CDH12: variants seen among roughly 807,000 people sequenced by gnomAD.
CDH12 encodes cadherin 12, also known as cadherin-12.
A neutral mutation model predicts 74.1 loss-of-function variants in CDH12; 41 were observed. That is an observed-to-expected ratio of 0.55 (90% CI 0.43 to 0.72). The LOEUF is 0.72. Ranked by LOEUF, CDH12 falls within the 30% of genes least tolerant of loss-of-function variation. The pLI, the probability that CDH12 is intolerant of heterozygous loss-of-function variation, is 0.00. For synonymous variants in CDH12, 399 were observed against 355.0 expected (o/e 1.12, Z -1.39); for missense variants, 945 against 977.2 (o/e 0.97, Z 0.44).
At chr5:21,784,113 T>C (rs575137265) in intron 10 of CDH12, among the ~76,000 whole-genome samples, 1 of 152,170 alleles carries the variant, frequency 6.6e-6, no homozygotes, top group Non-Finnish European at 1.5e-5. Context: ...CTTTGGATAA[T>C]GATGTCTCTT....
chr5:21,907,449 G>A (rs958679915), intron 6 of CDH12, among the ~76,000 whole-genome samples: 3 of 152,194 alleles, frequency 2.0e-5, no homozygotes, highest in African/African-American at 7.2e-5. Flanking sequence ...TCCTATGTTG[G>A]CAAAGGGAGG....
intron 6 of CDH12, among the ~76,000 whole-genome samples, chr5:21,958,290 T>G (rs922383531): frequency 3.9e-5 from 6 of 152,128 alleles, no homozygotes; most frequent in African/African-American, 1.4e-4. Context: ...AGTGTGAAAA[T>G]GGACTAATGA....
At chr5:22,819,696 A>G (rs1032162372) in intron 1 of CDH12, among the ~76,000 whole-genome samples, 10 of 151,798 alleles carry the variant, frequency 6.6e-5, no homozygotes, top group Admixed American at 1.3e-4. Flanking sequence ...ACATGTAACA[A>G]ATGTGAAATT....
chr5:22,846,442 T>C (rs1737306373), intron 1 of CDH12, among the ~76,000 whole-genome samples: 1 of 152,170 alleles, frequency 6.6e-6, no homozygotes, highest in Non-Finnish European at 1.5e-5. Context: ...GATGGTATCC[T>C]GGGATGCTCT....
At chr5:21,928,874 T>C (rs1477806275) in intron 6 of CDH12, among the ~76,000 whole-genome samples, 1 of 152,152 alleles carries the variant, frequency 6.6e-6, no homozygotes, top group Non-Finnish European at 1.5e-5. Context: ...GTAGTATAAA[T>C]TACTCTTTCA....
rs551439166 is a variant in CDH12 at position 22,535,239 on chromosome 5, C to T, written c.-522-29875G>A. Among the ~76,000 whole-genome samples, 305 of 145,416 alleles carry T rather than the reference C, an allele frequency of 2.1e-3. 4 individuals carry two copies. Among genetic ancestry groups the T allele is most frequent in the African/African-American group, 7.3e-3 (286 of 39,128 alleles). ...GCGCGGTCTTGGCTCAATGCAAGCT[C>T]CGCTTCCCGGGTTCACGCCATTCTC... On this transcript the variant is annotated intron_variant, in intron 1 of 14. Coordinates refer to ENST00000382254, the MANE Select transcript of CDH12 (RefSeq NM_004061.5).
chr5:22,570,942 G>A (rs1012482028), intron 1 of CDH12, among the ~76,000 whole-genome samples: 2 of 152,076 alleles, frequency 1.3e-5, no homozygotes, highest in African/African-American at 2.4e-5. Flanking sequence ...ATAGGAACTC[G>A]CTGCTTCACT....
In CDH12 at chr5:22,085,607, C is replaced by G. The variant is rs898341097; in HGVS notation, c.-186-6745G>C. Among the ~76,000 whole-genome samples the G allele has an allele frequency of 1.6e-4, 24 of 152,152 alleles. 2 individuals carry two copies. Among genetic ancestry groups the G allele is most frequent in the Admixed American group, 1.4e-3 (21 of 15,274 alleles). On this transcript the variant is annotated intron_variant, in intron 4 of 14. Transcript: ENST00000382254. ...AATAATACAACCTCCCCCACCTCCT[C>G]TTGTGAATAGGTGGCCCTTTAATTT... is the stretch of plus-strand genomic sequence containing the variant.
chr5:22,268,622 T>C (rs1052161971), intron 3 of CDH12, among the ~76,000 whole-genome samples: 1 of 152,110 alleles, frequency 6.6e-6, no homozygotes, highest in Admixed American at 6.6e-5. Context: ...TTAGGCAATG[T>C]CCATAGCTAA....
chr5:22,258,339 A>G (rs904199983), intron 3 of CDH12, among the ~76,000 whole-genome samples: 3 of 152,092 alleles, frequency 2.0e-5, no homozygotes, highest in Non-Finnish European at 4.4e-5. Flanking sequence ...AGTCTTCAGC[A>G]GTTTCAATGG....
rs150529885 is a variant in CDH12 at position 22,617,755 on chromosome 5, T to A, written c.-522-112391A>T. ...ACTAACTTGTTTTGTGCAAAGAGAA[T>A]AATGGAGAGAAGTAACTTATTCCAA... On this transcript the variant is annotated intron_variant, in intron 1 of 14. Transcript: ENST00000382254. Among the ~76,000 whole-genome samples the A allele has an allele frequency of 4.7e-3, 712 of 152,242 alleles. 5 individuals carry two copies. Among genetic ancestry groups the A allele is most frequent in the African/African-American group, 0.016 (673 of 41,562 alleles).
At chr5:22,851,801 T>A (rs1465614062) in intron 1 of CDH12, among the ~76,000 whole-genome samples, 1 of 152,324 alleles carries the variant, frequency 6.6e-6, no homozygotes, top group East Asian at 1.9e-4. Flanking sequence ...CTCGGTTGAA[T>A]TCTCCTGTTG....
intron 3 of CDH12, among the ~76,000 whole-genome samples, chr5:22,350,406 A>T (rs1015344544): frequency 1.4e-4 from 22 of 152,208 alleles, no homozygotes; most frequent in Non-Finnish European, 2.9e-4. Flanking sequence ...TCAGAATAGG[A>T]TTGTCAAATG....
chr5:21,860,679 C>T (rs1204976375), intron 6 of CDH12, among the ~76,000 whole-genome samples: 6 of 149,582 alleles, frequency 4.0e-5, no homozygotes, highest in Non-Finnish European at 5.9e-5. Context: ...GGCCCTCATC[C>T]GTCTCCTGTG....
At chr5:21,949,612 CAG>C (rs1212617697) in intron 6 of CDH12, among the ~76,000 whole-genome samples, 1 of 152,000 alleles carries the variant, frequency 6.6e-6, no homozygotes, top group Non-Finnish European at 1.5e-5. Context: ...AGGTAGAAAA[CAG>C]TGATGTTGAT....
At chr5:21,977,962 T>C (rs572883111) in intron 5 of CDH12, among the ~76,000 whole-genome samples, 1 of 136,160 alleles carries the variant, frequency 7.3e-6, no homozygotes, top group East Asian at 2.0e-4. Context: ...TGCTGATTAA[T>C]TAGGCAGATG....
At chr5:22,037,895 G>A (rs964567439) in intron 5 of CDH12, among the ~76,000 whole-genome samples, 4 of 152,074 alleles carry the variant, frequency 2.6e-5, no homozygotes, top group African/African-American at 4.8e-5. Context: ...CCTCATTCCC[G>A]AGTCAGGATC....
chr5:22,160,803 C>T (rs1308652144), intron 4 of CDH12, among the ~76,000 whole-genome samples: 2 of 152,170 alleles, frequency 1.3e-5, no homozygotes, highest in Non-Finnish European at 2.9e-5. Context: ...GCTCCACCCT[C>T]ACGACTAATC....
intron 1 of CDH12, among the ~76,000 whole-genome samples, chr5:22,772,063 G>A (rs984480090): frequency 5.9e-5 from 9 of 152,188 alleles, no homozygotes; most frequent in Non-Finnish European, 7.4e-5. Context: ...ATTTCAGGTA[G>A]TGGTGAATAG....
Sources: gnomAD v4.1 joint callset for allele counts (sites outside exome capture counted in the v4.1 genomes callset) on GRCh38, gnomAD v4.1.1 for gene constraint, MANE v1.5 for transcripts, NCBI Gene and HGNC (gene_info 2026-07-23, HGNC 2026-07-21) for gene names.